CLGN: variants seen among roughly 807,000 people sequenced by gnomAD.
The protein encoded by CLGN is testis tissue sperm-binding protein Li 79P.
CLGN carries 62 observed loss-of-function variants against 79.1 expected under a neutral mutation model. The observed-to-expected ratio is 0.78, with a 90% confidence interval of 0.64 to 0.97. The LOEUF is 0.97. CLGN is among the 50% of genes least tolerant of loss of function. CLGN has a pLI of 0.00. For synonymous variants in CLGN, 225 were observed against 224.7 expected (o/e 1.00, Z -0.01); for missense variants, 647 against 715.5 (o/e 0.90, Z 1.09).
At chr4:140,399,343 T>A (rs1049958898) in intron 7 of CLGN, among the ~76,000 whole-genome samples, 2 of 152,224 alleles carry the variant, frequency 1.3e-5, no homozygotes, top group African/African-American at 4.8e-5. Flanking sequence ...CTTTTATAGT[T>A]ACAAAATACA....
intron 10 of CLGN, among the ~76,000 whole-genome samples, chr4:140,394,621 G>A (rs1016691378): frequency 1.3e-5 from 2 of 152,110 alleles, no homozygotes; most frequent in African/African-American, 4.8e-5. Flanking sequence ...GCCAGATGAT[G>A]GAGACATACA....
intron 10 of CLGN, among the ~76,000 whole-genome samples, chr4:140,395,381 C>T (rs769293925): frequency 5.3e-5 from 8 of 151,956 alleles, no homozygotes; most frequent in Non-Finnish European, 7.4e-5. Flanking sequence ...CTCCTGACCT[C>T]GTGATCCGCC....
intron 5 of CLGN, among the ~76,000 whole-genome samples, chr4:140,402,302 C>A (rs1325772382): frequency 6.6e-6 from 1 of 151,864 alleles, no homozygotes; most frequent in Non-Finnish European, 1.5e-5. Context: ...CAACTGCAGA[C>A]AAACCAATCA....
chr4:140,392,560 A>T (rs778159870), intron 12 of CLGN, 26 bp downstream of exon 12: 2 of 1,571,768 alleles, frequency 1.3e-6, no homozygotes, highest in Admixed American at 2.0e-5. Flanking sequence ...GGGTGAAAAA[A>T]GTTGAAGGAA....
chr4:140,398,308 C>T (rs148318795), intron 8 of CLGN, among the ~76,000 whole-genome samples: 8,309 of 122,194 alleles, frequency 0.068, 284 homozygotes, highest in Middle Eastern at 0.18. Flanking sequence ...CTTGCTCTGT[C>T]ACCAGGCTGG....
chr4:140,390,511 T>C, intron 14 of CLGN, 117 bp downstream of exon 14: 1 of 565,132 alleles, frequency 1.8e-6, no homozygotes. Flanking sequence ...ATAGAGGCTC[T>C]TATAAAAGCT....
chr4:140,425,761 T>C (rs374671429), intron 1 of CLGN, among the ~76,000 whole-genome samples: 1 of 151,252 alleles, frequency 6.6e-6, no homozygotes, highest in Admixed American at 6.6e-5. Flanking sequence ...CCCGAGTAGC[T>C]GGGATTATAG....
At chr4:140,421,717 T>C (rs1578610235) in intron 1 of CLGN, among the ~76,000 whole-genome samples, 1 of 152,206 alleles carries the variant, frequency 6.6e-6, no homozygotes, top group Non-Finnish European at 1.5e-5. Context: ...ATCAAATATA[T>C]GATTGGCAAA....
chr4:140,424,732 C>G (rs1729530210), intron 1 of CLGN, among the ~76,000 whole-genome samples: 1 of 152,164 alleles, frequency 6.6e-6, no homozygotes, highest in Admixed American at 6.5e-5. Flanking sequence ...GCTGAGATCA[C>G]TAAATATCAG....
rs545164076 is a variant in CLGN at position 140,389,122 on chromosome 4, A to G, written c.*102T>C. On this transcript the variant is annotated 3_prime_UTR_variant, in exon 15 of 15. Coordinates refer to ENST00000325617, the MANE Select transcript of CLGN (RefSeq NM_004362.3). ...CTGAAAGAATATAATGTTGCTAGATATTAGAAACAGGATGTGCAGACTGAT... is the reference window on the plus strand; with the variant it reads ...CTGAAAGAATATAATGTTGCTAGATGTTAGAAACAGGATGTGCAGACTGAT... 2.4e-6 allele frequency: 2 copies of G among 846,022 alleles called. No homozygotes were observed. Among genetic ancestry groups the G allele is most frequent in the Admixed American group, 2.0e-5 (1 of 49,388 alleles). 52.4% of individuals were successfully genotyped at this position (846,022 alleles called of 1,614,324 possible).
rs974978066 is a variant in CLGN at position 140,403,718 on chromosome 4, T to C, written c.420-1652A>G. Among the ~76,000 whole-genome samples the C allele has an allele frequency of 3.3e-5, 5 of 152,232 alleles. No homozygotes were observed. In the East Asian group the frequency reaches 9.6e-4, roughly 29 times the overall value. ...ATTGTTCCATTATGCCTAGATTCAATCACCTTGTCCATTTCTTATACTGCA... is the reference window on the plus strand; with the variant it reads ...ATTGTTCCATTATGCCTAGATTCAACCACCTTGTCCATTTCTTATACTGCA... On this transcript the variant is annotated intron_variant, in intron 5 of 14. Transcript: ENST00000325617.
At chr4:140,403,669 C>T (rs1010103910) in intron 5 of CLGN, among the ~76,000 whole-genome samples, 2 of 152,184 alleles carry the variant, frequency 1.3e-5, no homozygotes, top group African/African-American at 4.8e-5. Flanking sequence ...TGTACAGTGG[C>T]TGCATAAATG....
At chr4:140,426,722 G>C (rs1729574240) in intron 1 of CLGN, 1 of 152,262 alleles carries the variant, frequency 6.6e-6, no homozygotes. Flanking sequence ...TCCCAGTCCT[G>C]AGCTTTGGTT....
chr4:140,423,823 G>A (rs777112384), intron 1 of CLGN, among the ~76,000 whole-genome samples: 5 of 152,098 alleles, frequency 3.3e-5, no homozygotes, highest in Non-Finnish European at 5.9e-5. Flanking sequence ...ATCCTTCAGC[G>A]TATTCTCTTA....
Position 140,389,119 on chromosome 4 carries a change from G to T in CLGN, c.*105C>A. 1.2e-6 allele frequency: 1 copy of T among 815,380 alleles called. No individual in the cohort carries two copies. Among genetic ancestry groups the T allele is most frequent in the Non-Finnish European group, 2.0e-6 (1 of 491,208 alleles). 50.5% of individuals were successfully genotyped at this position (815,380 alleles called of 1,614,324 possible). On this transcript the variant is annotated 3_prime_UTR_variant, in exon 15 of 15. Coordinates refer to ENST00000325617, the MANE Select transcript of CLGN (RefSeq NM_004362.3). ...TGTCTGAAAGAATATAATGTTGCTA[G>T]ATATTAGAAACAGGATGTGCAGACT...
chr4:140,395,298 C>T (rs1031557281), intron 10 of CLGN, among the ~76,000 whole-genome samples: 2 of 152,074 alleles, frequency 1.3e-5, no homozygotes, highest in African/African-American at 4.8e-5. Context: ...AGGCGTGCGC[C>T]ACCACATCTG....
In CLGN at chr4:140,412,964, C is replaced by T. The variant is rs200285105; in HGVS notation, c.115G>A (p.Asp39Asn). ...EDFEENSEEI[D>N]VNESELSSEI... Reference sequence around the variant, plus strand: ...GAGGAAAGTTCACTTTCATTAACATCAATTTCTTCTGAATTTTCTTCAAAG... The same window carrying T: ...GAGGAAAGTTCACTTTCATTAACATTAATTTCTTCTGAATTTTCTTCAAAG... Residue 39 changes from aspartate (D) to asparagine (N), a missense_variant, in exon 2 of 15, where the codon GAT becomes AAT. Asp to Asn is a conservative substitution (Grantham distance 23). Transcript: ENST00000325617. 6.9e-5 allele frequency: 111 copies of T among 1,613,382 alleles called. No individual in the cohort carries two copies. The East Asian group carries it at 2.3e-3, about 33-fold the overall frequency.
At chr4:140,403,857 A>T (rs1434650746) in intron 5 of CLGN, among the ~76,000 whole-genome samples, 1 of 152,200 alleles carries the variant, frequency 6.6e-6, no homozygotes, top group Admixed American at 6.5e-5. Context: ...ACTTCCAGTC[A>T]TAGGAAAACC....
intron 1 of CLGN, among the ~76,000 whole-genome samples, chr4:140,416,747 T>C (rs1466981312): frequency 1.3e-5 from 2 of 152,160 alleles, no homozygotes; most frequent in Non-Finnish European, 1.5e-5. Flanking sequence ...CCAGATGGAT[T>C]CACAGCTGAA....
Sources: allele counts gnomAD v4.1 joint callset (sites outside exome capture counted in the v4.1 genomes callset), GRCh38; gene constraint gnomAD v4.1.1; transcripts MANE v1.5; gene names NCBI Gene and HGNC (gene_info 2026-07-23, HGNC 2026-07-21).